The following THRAP3 variants were observed in gnomAD, a reference collection of about 807,000 sequenced individuals.
The protein encoded by THRAP3 is thyroid hormone receptor associated protein 3, also known as thyroid hormone receptor-associated protein 3.
THRAP3 carries 16 observed loss-of-function variants against 101.0 expected under a neutral mutation model. The observed-to-expected ratio is 0.16, with a 90% confidence interval of 0.11 to 0.24. The LOEUF (loss-of-function observed/expected upper bound fraction) is 0.24. Ranked by LOEUF, THRAP3 falls within the 10% of genes least tolerant of loss-of-function variation. The probability of loss-of-function intolerance (pLI) is 1.00; values close to 1 mark genes in which losing one functional copy is unlikely to be tolerated. For missense variants in THRAP3, 989 were observed against 1,202.7 expected (o/e 0.82, Z 2.63); for synonymous variants, 407 against 422.6 (o/e 0.96, Z 0.45).
chr1:36,287,026 C>G lies in THRAP3; in HGVS notation c.796C>G (p.Arg266Gly). ...TGTGGTGGTGAGGCGGCGGTCACCC[C>G]GTCCTAGCCCCGTGCCAAAACCTAG... ...QSVVVRRRSP[R>G]PSPVPKPSPP... is the part of the protein sequence containing the mutation. The change falls in exon 4 of 12, where the codon CGT becomes GGT. Residue 266 changes from arginine to glycine, a missense_variant. Coordinates refer to ENST00000354618, the MANE Select transcript of THRAP3 (RefSeq NM_005119.4). 1 of 1,613,648 alleles carries G rather than the reference C, an allele frequency of 6.2e-7. No individual in the cohort carries two copies. Among genetic ancestry groups the G allele is most frequent in the Non-Finnish European group, 8.5e-7 (1 of 1,179,658 alleles).
intron 9 of THRAP3, among the ~76,000 whole-genome samples, chr1:36,298,442 G>A (rs139655530): frequency 3.3e-5 from 5 of 152,092 alleles, no homozygotes; most frequent in South Asian, 2.1e-4. Context: ...TCTGACTTGC[G>A]ATGTGACTTT....
At chr1:36,230,356 G>A (rs1645014524) in intron 1 of THRAP3, among the ~76,000 whole-genome samples, 1 of 151,082 alleles carries the variant, frequency 6.6e-6, no homozygotes, top group Admixed American at 6.6e-5. Flanking sequence ...GACCTCAGGT[G>A]ATCCGCCCGC....
intron 2 of THRAP3, among the ~76,000 whole-genome samples, chr1:36,273,697 C>A (rs566007799): frequency 6.6e-6 from 1 of 152,194 alleles, no homozygotes; most frequent in African/African-American, 2.4e-5. Flanking sequence ...CTACTAAAAA[C>A]CAATTAGAGC....
At chr1:36,299,033 A>G (rs1013968117) in intron 9 of THRAP3, among the ~76,000 whole-genome samples, 7 of 151,954 alleles carry the variant, frequency 4.6e-5, no homozygotes, top group African/African-American at 7.3e-5. Context: ...GGCTCAAGCA[A>G]TCTGCCTGCC....
At chr1:36,213,909 GAGAAAGAAAGAA>G in the THRAP3 span, among the ~76,000 whole-genome samples, 1,779 of 80,384 alleles carry the variant, frequency 0.022, 91 homozygotes, top group Admixed American at 0.037. Context: ...AAGAAGGAAA[GAGAAAGAAAGAA>G]AGAAAGAAAG....
chr1:36,260,471 TC>T (rs1238183815), intron 2 of THRAP3, among the ~76,000 whole-genome samples: 2 of 152,126 alleles, frequency 1.3e-5, no homozygotes, highest in Non-Finnish European at 2.9e-5. Flanking sequence ...TTAACTTCAC[TC>T]CTTAAATAGT....
chr1:36,280,765 G>A (rs1419855428), intron 2 of THRAP3, among the ~76,000 whole-genome samples: 2 of 151,924 alleles, frequency 1.3e-5, no homozygotes, highest in African/African-American at 2.4e-5. Flanking sequence ...TGTCCAAGGC[G>A]CTAATAGAGT....
chr1:36,265,548 G>A (rs1645503812), intron 2 of THRAP3, among the ~76,000 whole-genome samples: 1 of 150,390 alleles, frequency 6.6e-6, no homozygotes, highest in Non-Finnish European at 1.5e-5. Context: ...AAGATGAGCA[G>A]AAGAATGCCC....
intron 1 of THRAP3, among the ~76,000 whole-genome samples, chr1:36,250,060 G>A (rs1645280176): frequency 6.6e-6 from 1 of 151,952 alleles, no homozygotes; most frequent in Non-Finnish European, 1.5e-5. Context: ...GGGTTAAATG[G>A]GTTATTAATC....
chr1:36,234,029 A>C (rs1328621460), intron 1 of THRAP3, among the ~76,000 whole-genome samples: 1 of 151,868 alleles, frequency 6.6e-6, no homozygotes, highest in Non-Finnish European at 1.5e-5. Context: ...GATCACGGCT[A>C]ACCTCAGCCT....
intron 7 of THRAP3, 115 bp downstream of exon 7, chr1:36,292,824 ATC>A: frequency 1.4e-6 from 1 of 734,710 alleles, no homozygotes; most frequent in Non-Finnish European, 2.3e-6. Flanking sequence ...TTACAGTAAC[ATC>A]CTTCAGACTC....
intron 2 of THRAP3, among the ~76,000 whole-genome samples, chr1:36,272,762 G>T (rs987767018): frequency 3.9e-5 from 6 of 152,152 alleles, no homozygotes; most frequent in African/African-American, 1.4e-4. Flanking sequence ...TCTCCTGACT[G>T]GATGTTGGTG....
In THRAP3 at chr1:36,296,779, G is replaced by A. The variant is rs748074296; in HGVS notation, c.2303+9G>A. ...GGATCAAAGAAACAGAAGTACGTAAGCCCCTGTTACCCCTTCCAGACTCTT... is the reference window on the plus strand; with the variant it reads ...GGATCAAAGAAACAGAAGTACGTAAACCCCTGTTACCCCTTCCAGACTCTT... On this transcript the variant is annotated intron_variant, in intron 9 of 11. Transcript: ENST00000354618. The A allele has an allele frequency of 2.5e-6, 4 of 1,577,606 alleles. No homozygotes were observed. Among genetic ancestry groups the A allele is most frequent in the Non-Finnish European group, 2.6e-6 (3 of 1,167,318 alleles).
intron 1 of THRAP3, chr1:36,242,086 T>G (rs1265103708): frequency 5.6e-6 from 1 of 179,570 alleles, no homozygotes; most frequent in Non-Finnish European, 1.3e-5. Flanking sequence ...ATTTTTGTTA[T>G]AAACCTAACT....
chr1:36,270,101 T>C (rs761176994), intron 2 of THRAP3, among the ~76,000 whole-genome samples: 19 of 152,100 alleles, frequency 1.2e-4, no homozygotes, highest in South Asian at 2.1e-4. Context: ...TATAATAAAA[T>C]AAACAGGCTG....
intron 6 of THRAP3, among the ~76,000 whole-genome samples, chr1:36,292,256 C>CATAA (rs1645881263): frequency 1.8e-5 from 1 of 54,534 alleles, no homozygotes; most frequent in Non-Finnish European, 3.5e-5. Flanking sequence ...TAATGTGTTT[C>CATAA]TTTGTTTCTT....
intron 2 of THRAP3, among the ~76,000 whole-genome samples, chr1:36,275,397 C>T (rs1645645501): frequency 6.7e-6 from 1 of 149,916 alleles, no homozygotes; most frequent in African/African-American, 2.5e-5. Flanking sequence ...ACCATCCTGG[C>T]TAACATGGCG....
intron 1 of THRAP3, among the ~76,000 whole-genome samples, chr1:36,259,129 C>T (rs1025902581): frequency 2.0e-5 from 3 of 152,150 alleles, no homozygotes; most frequent in African/African-American, 7.2e-5. Flanking sequence ...AAAACCTTAG[C>T]ACCTGAAATA....
chr1:36,304,446 CTTTTTT>C lies in THRAP3; in HGVS notation c.*441_*446del. The C allele has an allele frequency of 5.5e-6, 1 of 183,422 alleles. No homozygotes were observed. Among genetic ancestry groups the C allele is most frequent in the Non-Finnish European group, 1.1e-5 (1 of 92,746 alleles). 11.4% of individuals were successfully genotyped at this position (183,422 alleles called of 1,614,324 possible). A position where few individuals can be genotyped will look rare whatever the true frequency, so the allele number is the denominator to read the frequency against. ...CTGTCCTGATTTTAAAAGCCCCCTC[CTTTTTT>C]TTTTTTTTTTTCTTTTTTTAGGCAT... On this transcript the variant is annotated 3_prime_UTR_variant, in exon 12 of 12. Coordinates refer to ENST00000354618, the MANE Select transcript of THRAP3 (RefSeq NM_005119.4).
Sources: allele counts gnomAD v4.1 joint callset (sites outside exome capture counted in the v4.1 genomes callset), GRCh38; gene constraint gnomAD v4.1.1; transcripts MANE v1.5; gene names NCBI Gene and HGNC (gene_info 2026-07-23, HGNC 2026-07-21).